The following ZNF415 variants were observed in gnomAD, a reference collection of about 807,000 sequenced individuals.
ZNF415 encodes zinc finger protein 415.
ZNF415 carries 5 observed loss-of-function variants against 7.3 expected under a neutral mutation model. The ratio of observed to expected loss-of-function variants is 0.69; its 90% CI spans 0.36 to 1.44. The LOEUF (loss-of-function observed/expected upper bound fraction) is 1.44. Ranked by LOEUF, ZNF415 falls within the 40% of genes most tolerant of loss-of-function variation. ZNF415 has a pLI of 0.04. For missense variants in ZNF415, 628 were observed against 664.8 expected (o/e 0.94, Z 0.61); for synonymous variants, 207 against 226.3 (o/e 0.91, Z 0.77).
chr19:53,130,961 C>T (rs1339227562), intron 1 of ZNF415, among the ~76,000 whole-genome samples: 3 of 151,374 alleles, frequency 2.0e-5, no homozygotes, highest in Non-Finnish European at 4.4e-5. Flanking sequence ...TTTTAATGTT[C>T]CTTTTGAGCA....
intron 1 of ZNF415, among the ~76,000 whole-genome samples, chr19:53,130,867 A>T (rs959504264): frequency 6.6e-6 from 1 of 151,892 alleles, no homozygotes; most frequent in Non-Finnish European, 1.5e-5. Flanking sequence ...GCTGGTCTTG[A>T]ACTACTGACC....
At chr19:53,115,227 C>T (rs920015713) in intron 3 of ZNF415, 11 of 166,670 alleles carry the variant, frequency 6.6e-5, no homozygotes, top group Admixed American at 4.2e-4. Context: ...CCCAGCTACT[C>T]GGGAGGCTGA....
chr19:53,109,394 T>A lies in ZNF415; in HGVS notation c.651A>T (p.Arg217Ser). The change falls in exon 4 of 4, where the codon AGA becomes AGT. Residue 217 changes from arginine to serine, a missense_variant. Arg to Ser is a moderately radical substitution (Grantham distance 110). Transcript: ENST00000243643. ...TCAAGGCTTTGTCGCACTCAATATA[T>A]CTGTAAGGTTTTTCCCTAATGCATG... is the stretch of plus-strand genomic sequence containing the variant. ...QKSCIREKPY[R>S]YIECDKALNH... 1.2e-6 allele frequency: 2 copies of A among 1,614,156 alleles called. No individual in the cohort carries two copies. The highest frequency in any genetic ancestry group is 1.7e-6 in the Non-Finnish European group (2 of 1,179,988).
intron 2 of ZNF415, among the ~76,000 whole-genome samples, chr19:53,120,484 C>A (rs2087819522): frequency 6.6e-6 from 1 of 152,088 alleles, no homozygotes; most frequent in Non-Finnish European, 1.5e-5. Context: ...TAGTGGCTCA[C>A]CACTGAGACC....
At chr19:53,116,865 A>C (rs1207716926) in intron 2 of ZNF415, among the ~76,000 whole-genome samples, 1 of 152,190 alleles carries the variant, frequency 6.6e-6, no homozygotes, top group East Asian at 1.9e-4. Flanking sequence ...AACGAGTCAG[A>C]CAAAAATAAA....
At chr19:53,130,809 C>T (rs2089971215) in intron 1 of ZNF415, among the ~76,000 whole-genome samples, 1 of 152,012 alleles carries the variant, frequency 6.6e-6, no homozygotes, top group Non-Finnish European at 1.5e-5. Context: ...CCATACCTGG[C>T]TAAGTTTTGT....
chr19:53,109,202 G>C lies in ZNF415; in HGVS notation c.843C>G (p.Phe281Leu), dbSNP rs1188673725. 1 of 1,613,994 alleles carries C rather than the reference G, an allele frequency of 6.2e-7. No homozygotes were observed. Among genetic ancestry groups the C allele is most frequent in the Non-Finnish European group, 8.5e-7 (1 of 1,179,962 alleles). The change falls in exon 4 of 4, where the codon TTC becomes TTG. Residue 281 changes from phenylalanine (F) to leucine (L), a missense_variant. Phe to Leu is a conservative substitution (Grantham distance 22). Coordinates refer to ENST00000243643, the MANE Select transcript of ZNF415 (RefSeq NM_018355.4). ...PYKCNECDRS[F>L]SRNSCLALHR... ...GTAGTGCAAGGCATGAGTTGCGACT[G>C]AAACTTCTGTCACATTCATTACATT... is the stretch of plus-strand genomic sequence containing the variant.
At chr19:53,130,226 G>A (rs2089883934) in intron 1 of ZNF415, among the ~76,000 whole-genome samples, 1 of 151,974 alleles carries the variant, frequency 6.6e-6, no homozygotes, top group Non-Finnish European at 1.5e-5. Context: ...TTGAATAATA[G>A]ACTAGTTAAA....
chr19:53,125,960 A>G (rs2146585719), intron 1 of ZNF415, among the ~76,000 whole-genome samples: 1 of 150,806 alleles, frequency 6.6e-6, no homozygotes, highest in East Asian at 2.0e-4. Context: ...AATAAAATAA[A>G]CTGGATATGG....
At chr19:53,116,179 A>T in intron 3 of ZNF415, 134 bp downstream of exon 3, 1 of 1,049,710 alleles carries the variant, frequency 9.5e-7, no homozygotes, top group South Asian at 1.6e-5. Context: ...AGTTCACATT[A>T]TGGAGCTTTT....
At chr19:53,129,722 C>G (rs1376866176) in intron 1 of ZNF415, 1 of 398,052 alleles carries the variant, frequency 2.5e-6, no homozygotes, top group Non-Finnish European at 4.4e-6. Context: ...ATGTCACGAC[C>G]TGGAAGGGCC....
rs150584645 is a variant in ZNF415, at chr19:53,131,810, GTTAA to G, written c.-68+1042_-68+1045del. ...TTTCTTCCCCATTTCAGCACTCCCT[GTTAA>G]ATTCCCTCTTCCCTGTTACACACCG... On this transcript the variant is annotated intron_variant, in intron 1 of 3. Coordinates refer to ENST00000243643, the MANE Select transcript of ZNF415 (RefSeq NM_018355.4). 7.2e-3 allele frequency among the ~76,000 whole-genome samples: 1,094 copies of G among 152,076 alleles called. 12 individuals are homozygous for G. Among genetic ancestry groups the G allele is most frequent in the African/African-American group, 0.024 (979 of 41,474 alleles).
intron 3 of ZNF415, among the ~76,000 whole-genome samples, chr19:53,112,882 T>C (rs1030322008): frequency 1.3e-5 from 2 of 151,644 alleles, no homozygotes; most frequent in Middle Eastern, 3.4e-3. Context: ...AGGTCGAGAA[T>C]TCAAGACCAG....
intron 1 of ZNF415, among the ~76,000 whole-genome samples, chr19:53,132,407 C>A (rs1340949582): frequency 6.6e-6 from 1 of 152,040 alleles, no homozygotes; most frequent in Admixed American, 6.5e-5. Context: ...AGCAGCGGGG[C>A]CCGGCACGAG....
At chr19:53,113,226 T>TACAGCA (rs1601055799) in intron 3 of ZNF415, among the ~76,000 whole-genome samples, 1 of 106,990 alleles carries the variant, frequency 9.3e-6, no homozygotes, top group African/African-American at 3.5e-5. Context: ...ACCGAGGCAT[T>TACAGCA]GGCCGGGCGC....
At chr19:53,126,269 G>A (rs1364910919) in intron 1 of ZNF415, among the ~76,000 whole-genome samples, 1 of 151,382 alleles carries the variant, frequency 6.6e-6, no homozygotes, top group African/African-American at 2.4e-5. Context: ...GGAAGGGCAA[G>A]CGCAAGTCCA....
Position 53,108,684 on chromosome 19 carries a change from T to C in ZNF415, c.1361A>G (p.Asn454Ser). Residue 454 changes from asparagine to serine, a missense_variant, in exon 4 of 4, where the codon AAC (asparagine) becomes AGC (serine). Asn to Ser is a conservative substitution (Grantham distance 46). Transcript: ENST00000243643. ...ATGGATGACCTGATGGGTAGTTAAGTTCGAATGCACACTAAAGGCTTTCCC... is the reference window on the plus strand; with the variant it reads ...ATGGATGACCTGATGGGTAGTTAAGCTCGAATGCACACTAAAGGCTTTCCC... Reference protein sequence around the residue: ...ECGKAFSVHSNLTTHQVIHTG... With the variant: ...ECGKAFSVHSSLTTHQVIHTG... 6.2e-7 allele frequency: 1 copy of C among 1,614,158 alleles called. No individual in the cohort carries two copies. The highest frequency in any genetic ancestry group is 8.5e-7 in the Non-Finnish European group (1 of 1,180,032).
intron 1 of ZNF415, among the ~76,000 whole-genome samples, chr19:53,124,854 G>A (rs1420965424): frequency 2.0e-5 from 3 of 152,140 alleles, no homozygotes; most frequent in Non-Finnish European, 4.4e-5. Flanking sequence ...AAAAATAGGA[G>A]AATGGAAGAG....
At position 53,116,429 on chromosome 19, in the gene ZNF415, G is replaced by C; in HGVS notation, c.20C>G (p.Thr7Arg). ...GAATTCGATGGCCACGTCCCTGAATGTCAACTGTCCGTAAAATAATAAACA... is the reference window on the plus strand; with the variant it reads ...GAATTCGATGGCCACGTCCCTGAATCTCAACTGTCCGTAAAATAATAAACA... Reference protein sequence around the residue: MAFTQLTFRDVAIEFSQ... With the variant: MAFTQLRFRDVAIEFSQ... Residue 7 changes from threonine to arginine, a missense_variant, in exon 3 of 4, where the codon ACA becomes AGA. Coordinates refer to ENST00000243643, the MANE Select transcript of ZNF415 (RefSeq NM_018355.4). 2 of 1,614,074 alleles carry C rather than the reference G, an allele frequency of 1.2e-6. No individual in the cohort carries two copies. The highest frequency in any genetic ancestry group is 1.7e-6 in the Non-Finnish European group (2 of 1,180,030).
Sources: allele counts gnomAD v4.1 joint callset (sites outside exome capture counted in the v4.1 genomes callset), GRCh38; gene constraint gnomAD v4.1.1; transcripts MANE v1.5; gene names NCBI Gene and HGNC (gene_info 2026-07-23, HGNC 2026-07-21).